NKIRAS1: variants seen among roughly 807,000 people sequenced by gnomAD.
NKIRAS1 encodes the protein NFKB inhibitor interacting Ras like 1.
A neutral mutation model predicts 19.8 loss-of-function variants in NKIRAS1; 16 were observed. The observed-to-expected ratio is 0.81, with a 90% CI of 0.55 to 1.23. The LOEUF is 1.23. NKIRAS1 is among the 50% of genes most tolerant of loss of function. The pLI is 0.00. For missense variants in NKIRAS1, 184 were observed against 220.0 expected (o/e 0.84, Z 1.04); for synonymous variants, 88 against 79.0 (o/e 1.11, Z -0.61).
chr3:23,898,519 T>C (rs769016635), intron 4 of NKIRAS1, among the ~76,000 whole-genome samples: 4 of 151,730 alleles, frequency 2.6e-5, no homozygotes, highest in Non-Finnish European at 4.4e-5. Flanking sequence ...CTCAGCTCAC[T>C]GCAACCTCTG....
chr3:23,929,226 T>C (rs1705264919), intron 1 of NKIRAS1, among the ~76,000 whole-genome samples: 1 of 149,724 alleles, frequency 6.7e-6, no homozygotes, highest in African/African-American at 2.5e-5. Flanking sequence ...TAGCAGGGCA[T>C]GGTGGCAGGC....
chr3:23,939,057 T>C (rs555510635), intron 1 of NKIRAS1, among the ~76,000 whole-genome samples: 1 of 152,358 alleles, frequency 6.6e-6, no homozygotes, highest in East Asian at 1.9e-4. Flanking sequence ...CCAGGCTTCA[T>C]CATAGATAAC....
At chr3:23,946,374 G>C in exon 1 of NKIRAS1, 1 of 877,338 alleles carries the variant, frequency 1.1e-6, no homozygotes, top group South Asian at 5.2e-5. Context: ...GCAGGCCGGA[G>C]GAGGCGCCTC....
intron 1 of NKIRAS1, among the ~76,000 whole-genome samples, chr3:23,931,759 C>G (rs991578798): frequency 6.6e-6 from 1 of 151,984 alleles, no homozygotes; most frequent in Non-Finnish European, 1.5e-5. Context: ...AGAAGAAGGG[C>G]GGGTTTCAGG....
chr3:23,929,468 C>T (rs974083859), intron 1 of NKIRAS1, among the ~76,000 whole-genome samples: 1 of 152,016 alleles, frequency 6.6e-6, no homozygotes, highest in Non-Finnish European at 1.5e-5. Flanking sequence ...GCTCTGTCAC[C>T]CAGGCTGGAG....
intron 4 of NKIRAS1, among the ~76,000 whole-genome samples, 150 bp downstream of exon 4, chr3:23,900,647 AAAAAAAAAAAG>A: frequency 6.6e-6 from 1 of 151,652 alleles, no homozygotes; most frequent in Non-Finnish European, 1.5e-5. Context: ...GTCTCAAAAA[AAAAAAAAAAAG>A]AAAAAGAAAA....
In NKIRAS1 at chr3:23,900,886, G is replaced by A. The variant is rs1702459779; in HGVS notation, c.258C>T (p.Tyr86=). 1.9e-6 allele frequency: 3 copies of A among 1,613,782 alleles called. No homozygotes were observed. Among genetic ancestry groups the A allele is most frequent in the South Asian group, 1.1e-5 (1 of 91,076 alleles). The change falls in exon 4 of 5, where the codon TAC becomes TAT. Residue 86 remains tyrosine, a synonymous_variant. Transcript: ENST00000425478. ...FSFADGFVLV[Y]SVNNLESFQR... is the part of the protein sequence containing the mutation. Reference sequence around the variant, plus strand: ...GAAAGGATTCAAGGTTATTCACACTGTACACAAGAACGAAGCCATCAGCAA... The same window carrying A: ...GAAAGGATTCAAGGTTATTCACACTATACACAAGAACGAAGCCATCAGCAA...
intron 1 of NKIRAS1, among the ~76,000 whole-genome samples, chr3:23,935,160 A>C (rs1259713214): frequency 6.6e-6 from 1 of 152,146 alleles, no homozygotes; most frequent in Non-Finnish European, 1.5e-5. Flanking sequence ...AAAAAGAAGC[A>C]GAAACCATCA....
At chr3:23,900,491 C>T (rs564749844) in intron 4 of NKIRAS1, among the ~76,000 whole-genome samples, 8 of 151,530 alleles carry the variant, frequency 5.3e-5, no homozygotes, top group South Asian at 4.2e-4. Context: ...AAAAATTAGC[C>T]GGGCATAGTG....
rs762405480 is a variant in NKIRAS1 at position 23,910,795 on chromosome 3, A to G, written c.94+16T>C. The G allele has an allele frequency of 3.1e-6, 5 of 1,590,590 alleles. No individual in the cohort carries two copies. Among genetic ancestry groups the G allele is most frequent in the Non-Finnish European group, 4.3e-6 (5 of 1,158,734 alleles). On this transcript the variant is annotated intron_variant, in intron 3 of 4. Transcript: ENST00000425478. ...CTCCCAGAACCTAGAGACAAACTAG[A>G]GAAAAACAATCTTACCAATAGTATG...
intron 3 of NKIRAS1, among the ~76,000 whole-genome samples, chr3:23,903,487 G>T (rs1702717206): frequency 1.3e-5 from 2 of 151,996 alleles, no homozygotes; most frequent in Admixed American, 1.3e-4. Flanking sequence ...AGACCAACAA[G>T]AAGAGACCGC....
At chr3:23,899,640 G>T (rs867241663) in intron 4 of NKIRAS1, among the ~76,000 whole-genome samples, 1 of 152,134 alleles carries the variant, frequency 6.6e-6, no homozygotes, top group African/African-American at 2.4e-5. Context: ...CTATCATGTT[G>T]AAAAAACAGA....
chr3:23,906,888 G>A (rs960036819), intron 3 of NKIRAS1, among the ~76,000 whole-genome samples: 28 of 151,504 alleles, frequency 1.8e-4, no homozygotes, highest in African/African-American at 6.8e-4. Context: ...TTTAAAGCAG[G>A]TTTTTGTTTT....
intron 4 of NKIRAS1, 49 bp from the exon 5 acceptor site, chr3:23,893,386 A>G: frequency 6.5e-7 from 1 of 1,534,894 alleles, no homozygotes; most frequent in Non-Finnish European, 8.8e-7. Context: ...TGCCAACATC[A>G]GTTCCTGGGC....
rs1701398188 is a variant in NKIRAS1, at chr3:23,890,789, G to A, written c.*2306C>T. The A allele has an allele frequency of 2.1e-6, 1 of 473,812 alleles. No homozygotes were observed. Among genetic ancestry groups the A allele is most frequent in the East Asian group, 3.5e-5 (1 of 28,406 alleles). 29.4% of individuals were successfully genotyped at this position (473,812 alleles called of 1,614,324 possible). ...GTATCTTGCTACAGTAGACAGAATT[G>A]GTAATAGCAACTTTTAAAATTGTCA... On this transcript the variant is annotated 3_prime_UTR_variant, in exon 5 of 5. Coordinates refer to ENST00000425478, the MANE Select transcript of NKIRAS1 (RefSeq NM_020345.4).
chr3:23,907,754 A>C (rs1559505379), intron 3 of NKIRAS1, among the ~76,000 whole-genome samples: 1 of 152,220 alleles, frequency 6.6e-6, no homozygotes. Context: ...AAAAATGACT[A>C]ATTTTATTAA....
intron 1 of NKIRAS1, 27 bp downstream of exon 1, chr3:23,916,757 G>A (rs533051673): frequency 6.6e-6 from 1 of 150,562 alleles, no homozygotes; most frequent in African/African-American, 2.5e-5. Flanking sequence ...CTCCGCAGGG[G>A]GAGAGCCCGC....
At chr3:23,893,364 A>G (rs768636475) in intron 4 of NKIRAS1, 27 bp from the exon 5 acceptor site, 2 of 1,587,398 alleles carry the variant, frequency 1.3e-6, no homozygotes, top group Non-Finnish European at 1.7e-6. Flanking sequence ...TGAAAAGATC[A>G]TACTAGTACT....
chr3:23,943,580 A>C (rs1705550817), intron 1 of NKIRAS1, among the ~76,000 whole-genome samples: 1 of 152,250 alleles, frequency 6.6e-6, no homozygotes, highest in South Asian at 2.1e-4. Context: ...TACAGTACAC[A>C]GCCTTTTTAG....
Sources: allele counts gnomAD v4.1 joint callset (sites outside exome capture counted in the v4.1 genomes callset), GRCh38; gene constraint gnomAD v4.1.1; transcripts MANE v1.5; gene names NCBI Gene and HGNC (gene_info 2026-07-23, HGNC 2026-07-21).